The following OXR1 variants were observed in gnomAD, a reference collection of about 807,000 sequenced individuals.
The protein encoded by OXR1 is oxidation resistance protein 1.
In OXR1, 41 loss-of-function variants were observed where a neutral mutation model predicts 104.6. That is an observed-to-expected ratio of 0.39 (90% CI 0.31 to 0.51). OXR1 has a LOEUF of 0.51. Among genes scored for constraint, OXR1 ranks in the 20% least tolerant of loss-of-function variants. The probability of loss-of-function intolerance (pLI) is 0.77; values close to 1 mark genes in which losing one functional copy is unlikely to be tolerated. For synonymous variants in OXR1, 348 were observed against 348.4 expected, an observed-to-expected ratio of 1.00 and a Z score of 0.01; for missense variants, 955 against 1,031.9, an observed-to-expected ratio of 0.93 and a Z score of 1.02.
chr8:106,302,831 A>T (rs1586495473), intron 1 of OXR1, among the ~76,000 whole-genome samples: 2 of 151,740 alleles, frequency 1.3e-5, no homozygotes, highest in Non-Finnish European at 2.9e-5. Flanking sequence ...GGCTCACTGC[A>T]AGCTCCGCCT....
rs111447939 is a variant in OXR1 at position 106,691,986 on chromosome 8, TACAC to T, written c.526-726_526-723del. Among the ~76,000 whole-genome samples, 332 of 149,504 alleles carry T rather than the reference TACAC, an allele frequency of 2.2e-3. 1 individual carries two copies. The highest frequency in any genetic ancestry group is 7.5e-3 in the African/African-American group (306 of 40,852). ...ATATGTGTGTGTGTGTCTATATATATACACACACACACACACACATATATATATA... is the reference window on the plus strand; with the variant it reads ...ATATGTGTGTGTGTGTCTATATATATACACACACACACACATATATATATA... On this transcript the variant is annotated intron_variant, in intron 6 of 16. Transcript: ENST00000517566.
chr8:106,452,192 G>C (rs1485364031), intron 2 of OXR1, among the ~76,000 whole-genome samples: 2 of 152,130 alleles, frequency 1.3e-5, no homozygotes, highest in Non-Finnish European at 2.9e-5. Flanking sequence ...TATGATACAA[G>C]ATGGAAACCG....
chr8:106,654,663 A>G (rs1160217795), intron 3 of OXR1, among the ~76,000 whole-genome samples: 1 of 152,166 alleles, frequency 6.6e-6, no homozygotes, highest in Non-Finnish European at 1.5e-5. Flanking sequence ...CATAATAGTT[A>G]ATCTTCGAAC....
At chr8:106,343,274 G>A (rs1463635395) in intron 1 of OXR1, among the ~76,000 whole-genome samples, 1 of 152,196 alleles carries the variant, frequency 6.6e-6, no homozygotes, top group Non-Finnish European at 1.5e-5. Context: ...GCTCTTCACA[G>A]CCTCTGGGAT....
intron 1 of OXR1, among the ~76,000 whole-genome samples, chr8:106,318,182 G>A (rs958480500): frequency 2.0e-5 from 3 of 152,096 alleles, no homozygotes; most frequent in Admixed American, 6.5e-5. Flanking sequence ...CAATGGCTTT[G>A]TTATTTGAGT....
At chr8:106,413,782 A>T (rs897821337) in intron 2 of OXR1, among the ~76,000 whole-genome samples, 2 of 149,550 alleles carry the variant, frequency 1.3e-5, no homozygotes, top group African/African-American at 4.9e-5. Context: ...GGAGTGCAGT[A>T]GTGCAATCTC....
At position 106,554,599 on chromosome 8, in the gene OXR1, AC is replaced by A. The variant is rs1226042167; in HGVS notation, c.220+35461del. Among the ~76,000 whole-genome samples the A allele has an allele frequency of 6.6e-5, 10 of 152,242 alleles. No individual in the cohort carries two copies. In the East Asian group the frequency reaches 1.9e-3, roughly 29 times the overall value. ...GAATCTGGGTGAAGTGTATATGGTGACTCTTAATGCCATTATTGCAACTTTA... is the reference window on the plus strand; with the variant it reads ...GAATCTGGGTGAAGTGTATATGGTGATCTTAATGCCATTATTGCAACTTTA... On this transcript the variant is annotated intron_variant, in intron 3 of 16. Coordinates refer to ENST00000517566, the MANE Select transcript of OXR1 (RefSeq NM_001198533.2).
chr8:106,571,324 G>T (rs1267221061), intron 3 of OXR1, among the ~76,000 whole-genome samples: 3 of 152,090 alleles, frequency 2.0e-5, no homozygotes, highest in African/African-American at 7.2e-5. Context: ...CTTGTAGACA[G>T]CTGCTTTTTC....
At chr8:106,578,073 A>G (rs1002072594) in intron 3 of OXR1, among the ~76,000 whole-genome samples, 1 of 152,202 alleles carries the variant, frequency 6.6e-6, no homozygotes, top group African/African-American at 2.4e-5. Context: ...TTAACATAAA[A>G]TTATGGGAAA....
intron 1 of OXR1, among the ~76,000 whole-genome samples, chr8:106,311,140 T>A (rs1482011080): frequency 6.6e-6 from 1 of 152,128 alleles, no homozygotes; most frequent in African/African-American, 2.4e-5. Context: ...TTTGTGAGTG[T>A]GATTTCTTCA....
chr8:106,418,318 A>G (rs1204198524), intron 2 of OXR1, among the ~76,000 whole-genome samples: 5 of 152,208 alleles, frequency 3.3e-5, no homozygotes, highest in Middle Eastern at 3.4e-3. Flanking sequence ...ATTTGCAAGT[A>G]TACTAATATG....
chr8:106,334,773 T>A lies in OXR1; in HGVS notation c.-138-24703T>A, dbSNP rs550317055. ...TTTTGCTGGGCCTATTGCAGAAACT[T>A]TAAAACTATTTCCTGATATTCCATT... On this transcript the variant is annotated intron_variant, in intron 1 of 16. Coordinates refer to ENST00000517566, the MANE Select transcript of OXR1 (RefSeq NM_001198533.2). 5.6e-4 allele frequency among the ~76,000 whole-genome samples: 86 copies of A among 152,260 alleles called. 1 individual carries two copies. The South Asian group carries it at 0.016, about 29-fold the overall frequency.
At chr8:106,729,277 C>G (rs1833637867) in intron 11 of OXR1, among the ~76,000 whole-genome samples, 1 of 152,104 alleles carries the variant, frequency 6.6e-6, no homozygotes, top group South Asian at 2.1e-4. Flanking sequence ...TCTAGGCATT[C>G]TGGCTCTAGC....
intron 1 of OXR1, among the ~76,000 whole-genome samples, chr8:106,283,045 G>A (rs774314561): frequency 2.6e-5 from 4 of 152,192 alleles, no homozygotes; most frequent in Non-Finnish European, 5.9e-5. Context: ...TCTATTCAGT[G>A]TGAACACTGG....
In OXR1 at chr8:106,566,624, A is replaced by G. The variant is rs182162062; in HGVS notation, c.220+47485A>G. 1.2e-4 allele frequency among the ~76,000 whole-genome samples: 19 copies of G among 152,330 alleles called. No homozygotes were observed. The East Asian group carries it at 3.7e-3, about 29-fold the overall frequency. On this transcript the variant is annotated intron_variant, in intron 3 of 16. Coordinates refer to ENST00000517566, the MANE Select transcript of OXR1 (RefSeq NM_001198533.2). ...ACCCAGCAATCCCATTACTGGGTAT[A>G]TACTCAAAGGATTATAAATCATTCC...
chr8:106,689,577 A>G (rs998846173), intron 6 of OXR1, among the ~76,000 whole-genome samples: 3 of 152,016 alleles, frequency 2.0e-5, no homozygotes, highest in African/African-American at 7.2e-5. Flanking sequence ...AGAATTTTAT[A>G]TTTTTTGTCT....
chr8:106,528,190 T>G (rs920698235), intron 3 of OXR1, among the ~76,000 whole-genome samples: 1 of 152,174 alleles, frequency 6.6e-6, no homozygotes, highest in African/African-American at 2.4e-5. Context: ...TGTGTTAAAA[T>G]GAATGGTCTT....
At chr8:106,509,674 A>G (rs180678933) in intron 2 of OXR1, among the ~76,000 whole-genome samples, 120 of 152,340 alleles carry the variant, frequency 7.9e-4, no homozygotes, top group African/African-American at 2.7e-3. Context: ...TAGAAATTAT[A>G]AAATGACTTA....
Position 106,752,007 on chromosome 8 carries a change from A to G in OXR1, c.*1066A>G, listed in dbSNP as rs1312576461. The stretch of plus-strand genomic sequence containing the variant: ...GAATATGCAAACTTACTGTCAAGTG[A>G]CCTCAAAAAAAAAATGAAAAGATAG... On this transcript the variant is annotated 3_prime_UTR_variant, in exon 17 of 17. Coordinates refer to ENST00000517566, the MANE Select transcript of OXR1 (RefSeq NM_001198533.2). 6.6e-6 allele frequency: 1 copy of G among 152,438 alleles called. No homozygotes were observed. Among genetic ancestry groups the G allele is most frequent in the Non-Finnish European group, 1.5e-5 (1 of 67,950 alleles). 9.4% of individuals were successfully genotyped at this position (152,438 alleles called of 1,614,324 possible).
Sources: allele counts gnomAD v4.1 joint callset (sites outside exome capture counted in the v4.1 genomes callset), GRCh38; gene constraint gnomAD v4.1.1; transcripts MANE v1.5; gene names NCBI Gene and HGNC (gene_info 2026-07-23, HGNC 2026-07-21).